DAB1: variants seen among roughly 807,000 people sequenced by gnomAD.
DAB1 encodes DAB adaptor protein 1, also known as disabled homolog 1.
Under a neutral mutation model 64.6 loss-of-function variants are expected in DAB1, and 15 were observed. That is an observed-to-expected ratio of 0.23 (90% CI 0.16 to 0.36). The LOEUF (loss-of-function observed/expected upper bound fraction) is 0.36, where lower values mean the gene tolerates loss of function less well. DAB1 is among the 10% of genes least tolerant of loss of function. The pLI is 1.00. For missense variants in DAB1, 596 were observed against 706.7 expected, an observed-to-expected ratio of 0.84 and a Z score of 1.78; for synonymous variants, 235 against 251.9, an observed-to-expected ratio of 0.93 and a Z score of 0.64.
At chr1:57,937,674 C>T (rs971210700) in intron 5 of DAB1, among the ~76,000 whole-genome samples, 2 of 152,172 alleles carry the variant, frequency 1.3e-5, no homozygotes, top group Admixed American at 1.3e-4. Flanking sequence ...GCATCCCCAA[C>T]TGAAAAAAAT....
intron 6 of DAB1, among the ~76,000 whole-genome samples, chr1:57,724,599 T>G (rs1160822014): frequency 6.6e-6 from 1 of 152,288 alleles, no homozygotes; most frequent in East Asian, 1.9e-4. Flanking sequence ...TAATGGGAAA[T>G]AGTCATGTTA....
chr1:58,035,316 C>T (rs1310589070), intron 5 of DAB1, among the ~76,000 whole-genome samples: 1 of 152,256 alleles, frequency 6.6e-6, no homozygotes, highest in Non-Finnish European at 1.5e-5. Flanking sequence ...CGGGCCCTCC[C>T]TTAATTGCGG....
chr1:58,421,165 G>A (rs1644767845), intron 3 of DAB1, among the ~76,000 whole-genome samples: 1 of 152,116 alleles, frequency 6.6e-6, no homozygotes, highest in African/African-American at 2.4e-5. Context: ...CTAATTATGT[G>A]TCTATTATCA....
At chr1:57,695,728 T>C (rs988530860) in intron 6 of DAB1, among the ~76,000 whole-genome samples, 4 of 152,036 alleles carry the variant, frequency 2.6e-5, no homozygotes, top group Non-Finnish European at 5.9e-5. Flanking sequence ...GTGAAACCCC[T>C]GTCTCTACTG....
intron 1 of DAB1, among the ~76,000 whole-genome samples, chr1:57,874,746 C>T (rs189695148): frequency 2.6e-4 from 40 of 152,260 alleles, no homozygotes; most frequent in Admixed American, 2.0e-4. Context: ...TTTTCCCAGA[C>T]TGGCTTGAGG....
intron 1 of DAB1, among the ~76,000 whole-genome samples, chr1:57,316,707 C>T (rs867055474): frequency 6.6e-6 from 1 of 152,186 alleles, no homozygotes; most frequent in Non-Finnish European, 1.5e-5. Context: ...CAGTGAGAAC[C>T]ATTTAGGCCA....
intron 5 of DAB1, among the ~76,000 whole-genome samples, chr1:57,929,206 A>G (rs527457599): frequency 1.3e-5 from 2 of 152,286 alleles, no homozygotes; most frequent in East Asian, 3.9e-4. Context: ...CCATCTTTAC[A>G]TATGTGTATT....
At chr1:57,621,923 C>A (rs1645864348) in intron 7 of DAB1, among the ~76,000 whole-genome samples, 1 of 152,184 alleles carries the variant, frequency 6.6e-6, no homozygotes. Flanking sequence ...TATACAGAGA[C>A]ACAGACATAG....
intron 7 of DAB1, among the ~76,000 whole-genome samples, chr1:57,445,668 A>G (rs562822942): frequency 7.9e-5 from 12 of 152,246 alleles, no homozygotes; most frequent in Non-Finnish European, 1.6e-4. Context: ...GACATTTACT[A>G]TACTACATTT....
intron 2 of DAB1, among the ~76,000 whole-genome samples, chr1:57,278,985 C>T (rs908279455): frequency 5.3e-5 from 8 of 152,214 alleles, no homozygotes; most frequent in African/African-American, 1.4e-4. Flanking sequence ...CAGATAGTAG[C>T]TACCTTCATC....
intron 4 of DAB1, among the ~76,000 whole-genome samples, chr1:57,129,434 A>C (rs940142478): frequency 1.2e-4 from 19 of 152,160 alleles, no homozygotes; most frequent in African/African-American, 4.6e-4. Flanking sequence ...ATTAAAATAG[A>C]TCTGGGGCAG....
intron 1 of DAB1, among the ~76,000 whole-genome samples, chr1:57,386,318 C>T (rs1041599965): frequency 7.0e-5 from 9 of 128,582 alleles, no homozygotes; most frequent in Admixed American, 3.7e-4. Flanking sequence ...TGCACTAGGA[C>T]AATAGAAGGT....
intron 1 of DAB1, among the ~76,000 whole-genome samples, chr1:57,414,196 A>G (rs1479944389): frequency 1.3e-5 from 2 of 152,170 alleles, no homozygotes; most frequent in African/African-American, 4.8e-5. Flanking sequence ...ACTGTCAAAC[A>G]GCATTGCATT....
chr1:57,272,773 G>A (rs1021073242), intron 2 of DAB1, among the ~76,000 whole-genome samples: 10 of 152,140 alleles, frequency 6.6e-5, no homozygotes, highest in Non-Finnish European at 1.5e-4. Context: ...ACACGTGGCT[G>A]GCCATCAGAG....
intron 5 of DAB1, among the ~76,000 whole-genome samples, chr1:57,891,869 A>G (rs987607493): frequency 3.3e-5 from 5 of 152,192 alleles, no homozygotes; most frequent in African/African-American, 1.2e-4. Flanking sequence ...GGGGAGGGAT[A>G]GCATTAGGAG....
intron 6 of DAB1, among the ~76,000 whole-genome samples, chr1:57,774,853 C>T (rs1304115675): frequency 1.3e-5 from 2 of 151,682 alleles, no homozygotes; most frequent in African/African-American, 4.8e-5. Context: ...GTACTATCTT[C>T]CTCAAATGTT....
At chr1:58,401,075 C>T (rs2100563576) in intron 3 of DAB1, among the ~76,000 whole-genome samples, 1 of 152,234 alleles carries the variant, frequency 6.6e-6, no homozygotes, top group South Asian at 2.1e-4. Context: ...ATCCTAATTC[C>T]ACATCACAAA....
intron 7 of DAB1, among the ~76,000 whole-genome samples, chr1:57,598,733 A>T (rs1452207000): frequency 2.6e-5 from 4 of 152,162 alleles, no homozygotes; most frequent in African/African-American, 9.7e-5. Context: ...TCCGAGAGAC[A>T]GTCTTATTTC....
chr1:57,929,899 C>T (rs895511341), intron 5 of DAB1, among the ~76,000 whole-genome samples: 2 of 152,284 alleles, frequency 1.3e-5, no homozygotes, highest in African/African-American at 2.4e-5. Context: ...ATGAGGGATC[C>T]ACCCCCAGGA....
Sources: allele counts gnomAD v4.1 joint callset (sites outside exome capture counted in the v4.1 genomes callset), GRCh38; gene constraint gnomAD v4.1.1; transcripts MANE v1.5; gene names NCBI Gene and HGNC (gene_info 2026-07-23, HGNC 2026-07-21).